The following ITGA9 variants were observed in gnomAD, a reference collection of about 807,000 sequenced individuals.
The protein encoded by ITGA9 is integrin alpha-9.
In ITGA9, 56 loss-of-function variants were observed where a neutral mutation model predicts 127.8. The observed-to-expected ratio is 0.44, with a 90% CI of 0.35 to 0.55. ITGA9 has a LOEUF of 0.55. ITGA9 is among the 20% of genes least tolerant of loss of function. ITGA9 has a pLI of 0.00. For missense variants in ITGA9, 1,196 were observed against 1,347.1 expected (o/e 0.89, Z 1.76); for synonymous variants, 508 against 514.5 (o/e 0.99, Z 0.17).
At position 37,822,395 on chromosome 3, in the gene ITGA9, C is replaced by G. The variant is rs1282348701; in HGVS notation, c.*3406C>G. 6.6e-6 allele frequency: 1 copy of G among 152,168 alleles called. No homozygotes were observed. Among genetic ancestry groups the G allele is most frequent in the Non-Finnish European group, 1.5e-5 (1 of 68,042 alleles). 9.4% of individuals were successfully genotyped at this position (152,168 alleles called of 1,614,324 possible). A position where few individuals can be genotyped will look rare whatever the true frequency, so the allele number is the denominator to read the frequency against. On this transcript the variant is annotated 3_prime_UTR_variant, in exon 28 of 28. Transcript: ENST00000264741. ...AACATCCTCCAAGTGGGCCATAGAG[C>G]TGTCACAAAGAAGAGGCCATGATGT...
intron 2 of ITGA9, 117 bp downstream of exon 2, chr3:37,471,251 C>G (rs1698428223): frequency 1.1e-5 from 13 of 1,146,852 alleles, no homozygotes; most frequent in Non-Finnish European, 1.7e-5. Flanking sequence ...TCCTTCCCTC[C>G]CTCCTTCTCT....
intron 15 of ITGA9, among the ~76,000 whole-genome samples, chr3:37,594,330 A>C (rs1355934747): frequency 6.6e-6 from 1 of 152,128 alleles, no homozygotes; most frequent in Non-Finnish European, 1.5e-5. Flanking sequence ...AGAGTGAGGG[A>C]GAGTATGGCC....
chr3:37,607,050 A>G (rs1034776624), intron 15 of ITGA9, among the ~76,000 whole-genome samples: 1 of 146,528 alleles, frequency 6.8e-6, no homozygotes. Context: ...TAGAGTGATC[A>G]TAGTTCACTG....
At chr3:37,672,305 C>T (rs115097484) in intron 17 of ITGA9, among the ~76,000 whole-genome samples, 11,389 of 152,040 alleles carry the variant, frequency 0.075, 479 homozygotes, top group Middle Eastern at 0.14. Flanking sequence ...ATCATGGGGG[C>T]GGGTCTTTCC....
intron 16 of ITGA9, among the ~76,000 whole-genome samples, chr3:37,642,080 G>A (rs1192740372): frequency 6.6e-6 from 1 of 151,998 alleles, no homozygotes; most frequent in African/African-American, 2.4e-5. Flanking sequence ...TGGGACCACT[G>A]GTGTGTGCCA....
chr3:37,506,593 G>A (rs17036453), intron 7 of ITGA9, among the ~76,000 whole-genome samples: 6,767 of 152,224 alleles, frequency 0.044, 430 homozygotes, highest in African/African-American at 0.14. Context: ...GGAAATATGT[G>A]GGTCTGGCTT....
intron 18 of ITGA9, among the ~76,000 whole-genome samples, chr3:37,731,804 T>C (rs1272071649): frequency 6.6e-6 from 1 of 152,192 alleles, no homozygotes; most frequent in African/African-American, 2.4e-5. Flanking sequence ...ATAAGATATG[T>C]ATAATTGGAT....
chr3:37,497,341 TTC>T (rs1345083026), intron 5 of ITGA9, among the ~76,000 whole-genome samples: 2 of 152,016 alleles, frequency 1.3e-5, no homozygotes, highest in African/African-American at 4.8e-5. Flanking sequence ...TTTTTTTTTT[TTC>T]CCTCTAGATT....
At chr3:37,609,646 T>C (rs962986206) in intron 15 of ITGA9, among the ~76,000 whole-genome samples, 1 of 152,218 alleles carries the variant, frequency 6.6e-6, no homozygotes, top group African/African-American at 2.4e-5. Flanking sequence ...AGCAATTTTA[T>C]CATGCTCACA....
At chr3:37,737,068 A>C in intron 20 of ITGA9, 85 bp downstream of exon 20, 1 of 900,558 alleles carries the variant, frequency 1.1e-6, no homozygotes, top group Non-Finnish European at 1.9e-6. Context: ...GCTTTGATGA[A>C]TCCCAGGATG....
chr3:37,709,155 A>G (rs530239498), intron 18 of ITGA9, among the ~76,000 whole-genome samples: 22 of 152,328 alleles, frequency 1.4e-4, no homozygotes, highest in Non-Finnish European at 2.8e-4. Context: ...GCAAAGATTA[A>G]ATTAGACATT....
Position 37,701,519 on chromosome 3 carries a change from T to A in ITGA9, c.2067+17504T>A, listed in dbSNP as rs377680763. 2.8e-3 allele frequency among the ~76,000 whole-genome samples: 420 copies of A among 152,322 alleles called. 2 individuals carry two copies. Among genetic ancestry groups the A allele is most frequent in the African/African-American group, 9.5e-3 (393 of 41,582 alleles). ...GCTCCTTGGGGTTCTTCTGCCTGCG[T>A]GGTGAGGAGTCTGGGGCCTTTATCC... On this transcript the variant is annotated intron_variant, in intron 18 of 27. Coordinates refer to ENST00000264741, the MANE Select transcript of ITGA9 (RefSeq NM_002207.3).
At chr3:37,471,915 G>A (rs187806963) in intron 2 of ITGA9, among the ~76,000 whole-genome samples, 2 of 152,162 alleles carry the variant, frequency 1.3e-5, no homozygotes, top group Non-Finnish European at 2.9e-5. Flanking sequence ...TTAGCTGAAC[G>A]TGGTGATGCA....
At chr3:37,587,908 A>G (rs1426206429) in intron 15 of ITGA9, among the ~76,000 whole-genome samples, 1 of 152,194 alleles carries the variant, frequency 6.6e-6, no homozygotes, top group Non-Finnish European at 1.5e-5. Context: ...TCCTGCCCGG[A>G]CCCAGGCCCA....
chr3:37,794,216 C>T (rs946886698), intron 26 of ITGA9, among the ~76,000 whole-genome samples: 6 of 152,158 alleles, frequency 3.9e-5, no homozygotes, highest in African/African-American at 7.2e-5. Flanking sequence ...ACAGAGGCTC[C>T]GGGAGTGAAG....
intron 18 of ITGA9, among the ~76,000 whole-genome samples, chr3:37,727,815 C>A (rs1295827315): frequency 6.6e-6 from 1 of 152,170 alleles, no homozygotes; most frequent in Non-Finnish European, 1.5e-5. Flanking sequence ...TCTTTGTCTT[C>A]TGAAGCATCT....
At chr3:37,464,651 T>C (rs1487734116) in intron 1 of ITGA9, among the ~76,000 whole-genome samples, 1 of 152,226 alleles carries the variant, frequency 6.6e-6, no homozygotes. Flanking sequence ...CCTGTGCTTC[T>C]TACACTTTAT....
At chr3:37,574,442 C>A (rs1174799387) in intron 15 of ITGA9, among the ~76,000 whole-genome samples, 1 of 152,182 alleles carries the variant, frequency 6.6e-6, no homozygotes, top group Non-Finnish European at 1.5e-5. Flanking sequence ...GTCACCTTTG[C>A]TGATTTTTTT....
chr3:37,809,316 C>T (rs1044011910), intron 27 of ITGA9, among the ~76,000 whole-genome samples: 1 of 152,056 alleles, frequency 6.6e-6, no homozygotes, highest in Non-Finnish European at 1.5e-5. Flanking sequence ...GAACTCCAGG[C>T]CTCAAGCGAT....
Sources: allele counts gnomAD v4.1 joint callset (sites outside exome capture counted in the v4.1 genomes callset), GRCh38; gene constraint gnomAD v4.1.1; transcripts MANE v1.5; gene names NCBI Gene and HGNC (gene_info 2026-07-23, HGNC 2026-07-21).